The following ACTN3 variants were observed in gnomAD, a reference collection of about 807,000 sequenced individuals.
ACTN3 encodes actinin alpha 3.
In ACTN3, 91 loss-of-function variants were observed where a neutral mutation model predicts 119.6. The ratio of observed to expected loss-of-function variants is 0.76; its 90% CI spans 0.64 to 0.91. ACTN3 has a LOEUF of 0.91. Ranked by LOEUF, ACTN3 falls within the 40% of genes least tolerant of loss-of-function variation. ACTN3 has a pLI of 0.00. For synonymous variants in ACTN3, 456 were observed against 478.8 expected (o/e 0.95, Z 0.62); for missense variants, 1,221 against 1,215.1 (o/e 1.00, Z -0.07).
intron 13 of ACTN3, 38 bp downstream of exon 13, chr11:66,560,114 T>TGGGGG: frequency 8.5e-6 from 5 of 586,184 alleles, no homozygotes; most frequent in Admixed American, 4.1e-5. Context: ...GGTGGGTAGG[T>TGGGGG]GGGTGAGGCC....
intron 5 of ACTN3, among the ~76,000 whole-genome samples, chr11:66,554,884 G>A (rs1033498562): frequency 2.0e-5 from 3 of 152,192 alleles, no homozygotes; most frequent in Non-Finnish European, 2.9e-5. Flanking sequence ...CAGCCAGAGG[G>A]AAGCTGGAGG....
chr11:66,559,553 C>A (rs1223372992), intron 12 of ACTN3, 167 bp downstream of exon 12: 2 of 240,058 alleles, frequency 8.3e-6, no homozygotes, highest in African/African-American at 2.3e-5. Context: ...TGGAACCCCA[C>A]CCCCACCTCC....
At chr11:66,560,141 C>T (rs572226324) in intron 13 of ACTN3, 30 bp from the exon 14 acceptor site, 3 of 1,571,258 alleles carry the variant, frequency 1.9e-6, no homozygotes, top group Non-Finnish European at 2.6e-6. Flanking sequence ...GCAGGGCAGG[C>T]TTCTGACCCA....
intron 9 of ACTN3, 127 bp from the exon 10 acceptor site, chr11:66,557,572 C>A: frequency 1.0e-6 from 1 of 967,568 alleles, no homozygotes; most frequent in Non-Finnish European, 1.5e-6. Context: ...CCCCATCCTG[C>A]TTTCGTAGTT....
chr11:66,554,557 T>G lies in ACTN3; in HGVS notation c.491T>G (p.Leu164Trp), dbSNP rs1407409468. The G allele has an allele frequency of 1.2e-6, 2 of 1,611,322 alleles. No individual in the cohort carries two copies. Among genetic ancestry groups the G allele is most frequent in the South Asian group, 1.1e-5 (1 of 90,548 alleles). Residue 164 changes from leucine to tryptophan, a missense_variant, in exon 5 of 21, where the codon TTG (leucine) becomes TGG (tryptophan). By Grantham distance (61) the Leu-to-Trp change is moderately conservative. Coordinates refer to ENST00000513398, the MANE Select transcript of ACTN3 (RefSeq NM_001104.4). ...CCAGAAACCTCAGCCAAGGAAGGCT[T>G]GCTTCTGTGGTGCCAGAGGAAGACA... Reference protein sequence around the residue: ...SVEETSAKEGLLLWCQRKTAP... With the variant: ...SVEETSAKEGWLLWCQRKTAP...
In ACTN3 at chr11:66,559,955, T is replaced by TTC; in HGVS notation, c.1428-10_1428-9dup. The TTC allele has an allele frequency of 6.3e-7, 1 of 1,582,214 alleles. No homozygotes were observed. The highest frequency in any genetic ancestry group is 8.6e-7 in the Non-Finnish European group (1 of 1,166,460). On this transcript the variant is annotated splice_polypyrimidine_tract_variant and intron_variant, in intron 12 of 20. Coordinates refer to ENST00000513398, the MANE Select transcript of ACTN3 (RefSeq NM_001104.4). ...GGGGCTGGCCCCACACTCGCCCTAC[T>TTC]TCTCGCTCCCAGTGAGCTGGACTAC...
intron 15 of ACTN3, 90 bp from the exon 16 acceptor site, chr11:66,561,137 G>C: frequency 1.4e-6 from 2 of 1,436,356 alleles, no homozygotes; most frequent in South Asian, 1.5e-5. Flanking sequence ...AAAGCAACAG[G>C]GGCTGAGGTT....
At position 66,551,652 on chromosome 11, in the gene ACTN3, G is replaced by C. The variant is rs749876577; in HGVS notation, c.382+5G>C. Reference sequence around the variant, plus strand: ...TGGTGTCCATTGGTGCTGAAGGTGAGGAGGTGGCAGGAAGGGTCTTGGGCA... The same window carrying C: ...TGGTGTCCATTGGTGCTGAAGGTGACGAGGTGGCAGGAAGGGTCTTGGGCA... On this transcript the variant is annotated splice_donor_5th_base_variant and intron_variant, in intron 3 of 20. Coordinates refer to ENST00000513398, the MANE Select transcript of ACTN3 (RefSeq NM_001104.4). 100 of 1,613,184 alleles carry C rather than the reference G, an allele frequency of 6.2e-5. No homozygotes were observed. Among genetic ancestry groups the C allele is most frequent in the Non-Finnish European group, 7.7e-5 (91 of 1,180,008 alleles).
At chr11:66,562,461 G>C in intron 19 of ACTN3, 139 bp downstream of exon 19, 1 of 1,083,146 alleles carries the variant, frequency 9.2e-7, no homozygotes, top group Non-Finnish European at 1.4e-6. Context: ...GCAAGGCTCA[G>C]GGAGGTAAAA....
At chr11:66,551,381 G>T in intron 2 of ACTN3, 28 bp downstream of exon 2, 1 of 1,583,344 alleles carries the variant, frequency 6.3e-7, no homozygotes, top group Middle Eastern at 1.7e-4. Context: ...GTGCACCTGG[G>T]CCCCAGGACC....
chr11:66,549,465 C>T (rs957317907), intron 1 of ACTN3, among the ~76,000 whole-genome samples: 1 of 152,160 alleles, frequency 6.6e-6, no homozygotes, highest in Non-Finnish European at 1.5e-5. Context: ...GGAGTGGTGG[C>T]TCATGCCTGT....
intron 1 of ACTN3, among the ~76,000 whole-genome samples, chr11:66,548,557 TTGTAGTTGGACA>T (rs1203625704): frequency 6.6e-6 from 1 of 152,206 alleles, no homozygotes; most frequent in African/African-American, 2.4e-5. Context: ...TCAGCATCCC[TTGTAGTTGGACA>T]TTTGGCTCAT....
rs931067920 is a variant in ACTN3 at position 66,557,800 on chromosome 11, C to A, written c.999C>A (p.Tyr333Ter). ...GCAAACTAGAGGACTTTCGGGACTA[C>A]CGGCGTCTGCACAAGCCGCCCCGCA... ...MQRKLEDFRDYRRLHKPPRIQ... is the reference protein window; with the variant it reads ...MQRKLEDFRD The change falls in exon 10 of 21, where the codon TAC becomes TAA. Residue 333 changes from tyrosine to a stop codon, truncating the protein, a stop_gained. Transcript: ENST00000513398. LOFTEE classifies it high-confidence loss of function. 5.0e-6 allele frequency: 8 copies of A among 1,613,850 alleles called. No homozygotes were observed. In the African/African-American group the frequency reaches 1.1e-4, roughly 22 times the overall value.
At chr11:66,557,307 C>A in intron 9 of ACTN3, 82 bp downstream of exon 9, 3 of 1,333,362 alleles carry the variant, frequency 2.2e-6, no homozygotes, top group South Asian at 1.3e-5. Context: ...CGTGGGCCTG[C>A]AGAGCCTCCC....
intron 1 of ACTN3, among the ~76,000 whole-genome samples, chr11:66,550,354 G>T (rs768900988): frequency 1.3e-5 from 2 of 152,166 alleles, no homozygotes; most frequent in Non-Finnish European, 2.9e-5. Flanking sequence ...CAAGTGTCGT[G>T]TCACCCCTAT....
At chr11:66,557,293 C>T (rs1857611883) in intron 9 of ACTN3, 68 bp downstream of exon 9, 1 of 1,437,316 alleles carries the variant, frequency 7.0e-7, no homozygotes, top group African/African-American at 1.4e-5. Flanking sequence ...CTGCTAACCC[C>T]AAGCGTGGGC....
In ACTN3 at chr11:66,554,524, C is replaced by G. The variant is rs375570577; in HGVS notation, c.470-12C>G. 1 of 1,600,976 alleles carries G rather than the reference C, an allele frequency of 6.2e-7. No individual in the cohort carries two copies. The highest frequency in any genetic ancestry group is 8.5e-7 in the Non-Finnish European group (1 of 1,172,990). ...CCTTCCCAATGAATCCTCCCACCTC[C>G]CCCCGACCCAGAAACCTCAGCCAAG... On this transcript the variant is annotated splice_polypyrimidine_tract_variant and intron_variant, in intron 4 of 20. Transcript: ENST00000513398.
rs189034495 is a variant in ACTN3, at chr11:66,560,334, A to T, written c.1677+23A>T. On this transcript the variant is annotated intron_variant, in intron 14 of 20. Coordinates refer to ENST00000513398, the MANE Select transcript of ACTN3 (RefSeq NM_001104.4). ...CAGGTGGGTGCCAGGGTTGCAGGGG[A>T]TGGATAGGATGACAGGAAAGCTGGC... is the stretch of plus-strand genomic sequence containing the variant. 861 of 1,601,888 alleles carry T rather than the reference A, an allele frequency of 5.4e-4. 3 individuals are homozygous for T. The African/African-American group carries it at 9.2e-3, about 17-fold the overall frequency.
Position 66,559,246 on chromosome 11 carries a change from G to T in ACTN3, c.1287G>T (p.Glu429Asp). 1 of 1,548,698 alleles carries T rather than the reference G, an allele frequency of 6.5e-7. No homozygotes were observed. The highest frequency in any genetic ancestry group is 1.2e-5 in the South Asian group (1 of 84,330). The change falls in exon 12 of 21, where the codon GAG (glutamate) becomes GAT (aspartate). Residue 429 changes from glutamate (E) to aspartate (D), a missense_variant. Coordinates refer to ENST00000513398, the MANE Select transcript of ACTN3 (RefSeq NM_001104.4). ...LHEAWTRGKE[E>D]MLSQRDYDSA... Reference sequence around the variant, plus strand: ...CATCTCTTTGAGCAGGAAAGGAGGAGATGCTGAGCCAGCGCGACTACGATT... The same window carrying T: ...CATCTCTTTGAGCAGGAAAGGAGGATATGCTGAGCCAGCGCGACTACGATT...
Sources: gnomAD v4.1 joint callset for allele counts (sites outside exome capture counted in the v4.1 genomes callset) on GRCh38, gnomAD v4.1.1 for gene constraint, MANE v1.5 for transcripts, NCBI Gene and HGNC (gene_info 2026-07-23, HGNC 2026-07-21) for gene names.